HDAC4: variants seen among roughly 807,000 people sequenced by gnomAD.
The protein encoded by HDAC4 is histone deacetylase 4, also known as histone deacetylase A.
HDAC4 carries 16 observed loss-of-function variants against 135.1 expected under a neutral mutation model. The observed-to-expected ratio is 0.12, with a 90% CI of 0.08 to 0.18. The LOEUF (loss-of-function observed/expected upper bound fraction) is 0.18, where lower values mean the gene tolerates loss of function less well. HDAC4 is among the 10% of genes least tolerant of loss of function. The pLI is 1.00. For synonymous variants in HDAC4, 685 were observed against 653.4 expected, an observed-to-expected ratio of 1.05 and a Z score of -0.74; for missense variants, 1,143 against 1,511.8, an observed-to-expected ratio of 0.76 and a Z score of 4.05.
intron 3 of HDAC4, among the ~76,000 whole-genome samples, chr2:239,215,630 C>T (rs908626354): frequency 6.6e-6 from 1 of 152,198 alleles, no homozygotes; most frequent in Non-Finnish European, 1.5e-5. Flanking sequence ...CACTAGGAGA[C>T]ATCCCCGCAG....
rs184555699 is a variant in HDAC4, at chr2:239,303,048, C to T, written c.22+49630G>A. Among the ~76,000 whole-genome samples, 3 of 152,196 alleles carry T rather than the reference C, an allele frequency of 2.0e-5. No homozygotes were observed. Among genetic ancestry groups the T allele is most frequent in the African/African-American group, 7.2e-5 (3 of 41,446 alleles). On this transcript the variant is annotated intron_variant, in intron 2 of 26. Coordinates refer to ENST00000543185, the MANE Select transcript of HDAC4 (RefSeq NM_001378414.1). This position sits in a 1 kb window ranked among gnomAD's most constrained non-coding sequence, Gnocchi z 5.1. ...CCACCTCGGGAGTCCTCAAACCCCCCCCGGGTGGGAGAGGTCATCACCTCC... is the reference window on the plus strand; with the variant it reads ...CCACCTCGGGAGTCCTCAAACCCCCTCCGGGTGGGAGAGGTCATCACCTCC...
At chr2:239,311,883 G>T (rs1252850786) in intron 2 of HDAC4, among the ~76,000 whole-genome samples, 1 of 152,134 alleles carries the variant, frequency 6.6e-6, no homozygotes. Context: ...GGCAGCCCAC[G>T]GGGCAGCTCT....
chr2:239,304,424 TG>T (rs2125648974), intron 2 of HDAC4, among the ~76,000 whole-genome samples: 1 of 152,288 alleles, frequency 6.6e-6, no homozygotes, highest in African/African-American at 2.4e-5. Context: ...ATTAATAATT[TG>T]AAAAAGCAGA....
At chr2:239,264,484 AAAG>A (rs1436374785) in intron 2 of HDAC4, among the ~76,000 whole-genome samples, 1 of 152,214 alleles carries the variant, frequency 6.6e-6, no homozygotes, top group African/African-American at 2.4e-5. Flanking sequence ...TATCTTGGAA[AAAG>A]AAGTGTGGCT....
At chr2:239,102,117 T>C (rs1048643086) in intron 16 of HDAC4, among the ~76,000 whole-genome samples, 1 of 151,280 alleles carries the variant, frequency 6.6e-6, no homozygotes, top group Non-Finnish European at 1.5e-5. Flanking sequence ...TTCTGTGCCC[T>C]GGAAGCCCCC....
At chr2:239,101,649 T>C (rs1027186212) in intron 16 of HDAC4, among the ~76,000 whole-genome samples, 1 of 152,160 alleles carries the variant, frequency 6.6e-6, no homozygotes, top group Non-Finnish European at 1.5e-5. Context: ...AGAAAACCAG[T>C]GGGCAGTGAC....
intron 12 of HDAC4, among the ~76,000 whole-genome samples, chr2:239,120,329 CCA>C (rs2039527181): frequency 6.6e-6 from 1 of 151,770 alleles, no homozygotes; most frequent in African/African-American, 2.4e-5. Flanking sequence ...AGCAGGGAGG[CCA>C]CAGAGGCTCA....
intron 24 of HDAC4, among the ~76,000 whole-genome samples, chr2:239,062,670 G>A (rs74879049): frequency 1.6e-4 from 25 of 152,220 alleles, no homozygotes; most frequent in Non-Finnish European, 2.6e-4. Context: ...TTTAACTGGA[G>A]CAAAAAGGGG....
intron 1 of HDAC4, among the ~76,000 whole-genome samples, chr2:239,378,187 T>A (rs1282843192): frequency 1.3e-5 from 2 of 151,964 alleles, no homozygotes; most frequent in African/African-American, 4.8e-5. Flanking sequence ...CCCTGAGGCG[T>A]CTGTCGAAGA....
At chr2:239,109,150 C>T (rs940744153) in intron 14 of HDAC4, among the ~76,000 whole-genome samples, 6 of 152,220 alleles carry the variant, frequency 3.9e-5, no homozygotes, top group Non-Finnish European at 7.3e-5. Context: ...GAGGCCCTGC[C>T]GGGACATGTC....
intron 12 of HDAC4, among the ~76,000 whole-genome samples, chr2:239,124,965 T>C (rs62190768): frequency 0.036 from 1,098 of 30,828 alleles, no homozygotes; most frequent in Middle Eastern, 0.094. Context: ...TGTGACATTC[T>C]GGTGTGCTGG....
At chr2:239,190,183 G>A (rs1483764082) in intron 3 of HDAC4, 106 bp from the exon 4 acceptor site, 4 of 1,399,172 alleles carry the variant, frequency 2.9e-6, no homozygotes, top group Non-Finnish European at 3.8e-6. Context: ...GCGGGGGGGG[G>A]GTTGTGACCA....
At chr2:239,095,127 C>T in intron 16 of HDAC4, 71 bp from the exon 17 acceptor site, 1 of 1,547,502 alleles carries the variant, frequency 6.5e-7, no homozygotes, top group Non-Finnish European at 8.9e-7. Context: ...GCCCTGGGCG[C>T]ACTCCGGGGT....
chr2:239,367,261 C>T (rs1464665419), intron 1 of HDAC4, among the ~76,000 whole-genome samples: 1 of 152,186 alleles, frequency 6.6e-6, no homozygotes, highest in East Asian at 1.9e-4. Context: ...GAACGAGAGC[C>T]GGTGTGAGAA....
At chr2:239,253,729 C>A (rs1207978970) in intron 2 of HDAC4, among the ~76,000 whole-genome samples, 1 of 152,190 alleles carries the variant, frequency 6.6e-6, no homozygotes, top group East Asian at 1.9e-4. Flanking sequence ...CAAGAGAAGA[C>A]CCCAATTACC....
Position 239,176,471 on chromosome 2 carries a change from C to T in HDAC4, c.432G>A (p.Glu144=). The change falls in exon 5 of 27, where the codon GAG becomes GAA. Residue 144 remains glutamate (E), a synonymous_variant. Coordinates refer to ENST00000543185, the MANE Select transcript of HDAC4 (RefSeq NM_001378414.1). ...GCAGCTTCTGCTCCCGGTGCTGCTT[C>T]TCCAGCTCCTGCTCCTGGCGGTGCC... ...LERHRQEQEL[E]KQHREQKLQQ... is the part of the protein sequence containing the mutation. 3 of 1,613,482 alleles carry T rather than the reference C, an allele frequency of 1.9e-6. No individual in the cohort carries two copies. Among genetic ancestry groups the T allele is most frequent in the Non-Finnish European group, 2.5e-6 (3 of 1,179,768 alleles).
chr2:239,080,724 G>A (rs1369308773), intron 22 of HDAC4, among the ~76,000 whole-genome samples: 1 of 152,216 alleles, frequency 6.6e-6, no homozygotes, highest in South Asian at 2.1e-4. Context: ...TCACATCACA[G>A]GAGGTTTGCG....
At chr2:239,113,619 C>T (rs983121237) in intron 13 of HDAC4, among the ~76,000 whole-genome samples, 6 of 152,204 alleles carry the variant, frequency 3.9e-5, no homozygotes, top group Non-Finnish European at 8.8e-5. Context: ...AAAGTAAAGG[C>T]TGATCTATGA....
At chr2:239,096,877 G>A (rs535857067) in intron 16 of HDAC4, among the ~76,000 whole-genome samples, 2 of 152,218 alleles carry the variant, frequency 1.3e-5, no homozygotes, top group African/African-American at 4.8e-5. Context: ...CATCAAGGCC[G>A]GAGGCTTGTA....
Sources: allele counts gnomAD v4.1 joint callset (sites outside exome capture counted in the v4.1 genomes callset), GRCh38; gene constraint gnomAD v4.1.1; non-coding constraint Gnocchi (gnomAD v3.1); transcripts MANE v1.5; gene names NCBI Gene and HGNC (gene_info 2026-07-23, HGNC 2026-07-21).